The following TRHDE variants were observed in gnomAD, a reference collection of about 807,000 sequenced individuals.
The protein encoded by TRHDE is thyrotropin-releasing hormone-degrading ectoenzyme.
Under a neutral mutation model 125.7 loss-of-function variants are expected in TRHDE, and 72 were observed. That is an observed-to-expected ratio of 0.57 (90% CI 0.47 to 0.70). The LOEUF (loss-of-function observed/expected upper bound fraction) is 0.70, where lower values mean the gene tolerates loss of function less well. Among genes scored for constraint, TRHDE ranks in the 30% least tolerant of loss-of-function variants. The pLI, the probability that TRHDE is intolerant of heterozygous loss-of-function variation, is 0.00. For missense variants in TRHDE, 1,110 were observed against 1,327.1 expected (o/e 0.84, Z 2.54); for synonymous variants, 509 against 509.1 (o/e 1.00, Z 0.00).
chr12:72,369,223 G>A (rs1871466258), intron 2 of TRHDE, among the ~76,000 whole-genome samples: 1 of 152,104 alleles, frequency 6.6e-6, no homozygotes, highest in Non-Finnish European at 1.5e-5. Context: ...TTTATCCTAA[G>A]GGATCAAAAA....
intron 15 of TRHDE, among the ~76,000 whole-genome samples, chr12:72,643,045 C>CTTACCAATCTTGTTTCATTT (rs1467637847): frequency 6.6e-6 from 1 of 152,182 alleles, no homozygotes; most frequent in East Asian, 1.9e-4. Context: ...ATATCCGGTG[C>CTTACCAATCTTGTTTCATTT]TTACCAATCT....
intron 2 of TRHDE, among the ~76,000 whole-genome samples, chr12:72,323,048 TTATA>T (rs758130443): frequency 3.2e-4 from 48 of 152,110 alleles, no homozygotes; most frequent in Non-Finnish European, 5.7e-4. Context: ...AGTGCTAAAA[TTATA>T]TATATTTATA....
chr12:72,576,955 G>A (rs553458215), intron 12 of TRHDE, among the ~76,000 whole-genome samples: 1 of 152,192 alleles, frequency 6.6e-6, no homozygotes, highest in South Asian at 2.1e-4. Context: ...CCATCTTATT[G>A]GGCAAAAATT....
chr12:72,666,131 C>T lies in TRHDE; in HGVS notation c.*2936C>T, dbSNP rs1875105331. 6.6e-6 allele frequency: 1 copy of T among 152,040 alleles called. No homozygotes were observed. The highest frequency in any genetic ancestry group is 1.5e-5 in the Non-Finnish European group (1 of 67,994). The allele number at this position is 152,040 out of a possible 1,614,324, so 9.4% of individuals were successfully genotyped here. ...TGCCATGTATTGATAAAATGCATTGCTTTCTCAAAGAACTGTTACACATTT... is the reference window on the plus strand; with the variant it reads ...TGCCATGTATTGATAAAATGCATTGTTTTCTCAAAGAACTGTTACACATTT... On this transcript the variant is annotated 3_prime_UTR_variant, in exon 19 of 19. Coordinates refer to ENST00000261180, the MANE Select transcript of TRHDE (RefSeq NM_013381.3).
chr12:72,517,959 G>T (rs904371243), intron 6 of TRHDE, among the ~76,000 whole-genome samples: 7 of 151,872 alleles, frequency 4.6e-5, no homozygotes, highest in African/African-American at 1.7e-4. Context: ...GCGGTTTTGA[G>T]TGAGATTCTT....
At chr12:72,150,376 C>T (rs149484009) in intron 2 of TRHDE, among the ~76,000 whole-genome samples, 34 of 150,510 alleles carry the variant, frequency 2.3e-4, no homozygotes, top group South Asian at 1.7e-3. Flanking sequence ...CTTTCAAGAA[C>T]AAAAGTATGG....
At chr12:72,306,509 GCAA>G (rs1245886148) in intron 2 of TRHDE, among the ~76,000 whole-genome samples, 2 of 152,088 alleles carry the variant, frequency 1.3e-5, no homozygotes, top group Admixed American at 1.3e-4. Flanking sequence ...AAACAGCTCG[GCAA>G]CAGTATTAGA....
chr12:72,458,475 T>A (rs560735676), intron 3 of TRHDE, among the ~76,000 whole-genome samples: 1 of 152,248 alleles, frequency 6.6e-6, no homozygotes, highest in Admixed American at 6.5e-5. Flanking sequence ...TCAGTGCTCC[T>A]CAGACGTCTG....
At chr12:72,519,641 G>A (rs1480146672) in intron 6 of TRHDE, among the ~76,000 whole-genome samples, 1 of 152,214 alleles carries the variant, frequency 6.6e-6, no homozygotes, top group Non-Finnish European at 1.5e-5. Flanking sequence ...TCCTCTCTCA[G>A]CTCGTCAAAG....
intron 6 of TRHDE, among the ~76,000 whole-genome samples, chr12:72,537,168 C>G (rs1868905579): frequency 6.6e-6 from 1 of 151,938 alleles, no homozygotes; most frequent in South Asian, 2.1e-4. Flanking sequence ...GTAATATTTT[C>G]CTTTTGATAT....
intron 3 of TRHDE, among the ~76,000 whole-genome samples, chr12:72,467,683 C>A (rs553005470): frequency 3.3e-5 from 5 of 152,118 alleles, no homozygotes; most frequent in Admixed American, 1.3e-4. Flanking sequence ...GGCATGGTGG[C>A]GCGTGCCTGT....
intron 3 of TRHDE, among the ~76,000 whole-genome samples, chr12:72,411,010 G>C (rs1873477274): frequency 1.3e-5 from 2 of 152,090 alleles, no homozygotes; most frequent in South Asian, 2.1e-4. Context: ...GGCTAACACA[G>C]TGAAACCACG....
chr12:72,099,200 A>AT (rs1278276327), intron 1 of TRHDE, among the ~76,000 whole-genome samples: 2 of 152,178 alleles, frequency 1.3e-5, no homozygotes, highest in African/African-American at 4.8e-5. Context: ...AAACCATTAA[A>AT]TTTTTTTGCC....
intron 3 of TRHDE, among the ~76,000 whole-genome samples, chr12:72,381,643 G>A (rs1189167836): frequency 3.9e-5 from 6 of 152,002 alleles, no homozygotes; most frequent in Non-Finnish European, 5.9e-5. Context: ...TGATCCGCCC[G>A]CCTCGGCCTC....
intron 2 of TRHDE, among the ~76,000 whole-genome samples, chr12:72,298,653 A>G (rs1312194297): frequency 6.6e-6 from 1 of 152,130 alleles, no homozygotes; most frequent in East Asian, 1.9e-4. Context: ...AGGGGTTTGT[A>G]TGTCATGTTA....
At chr12:72,316,685 C>T (rs1452779890) in intron 2 of TRHDE, among the ~76,000 whole-genome samples, 1 of 152,192 alleles carries the variant, frequency 6.6e-6, no homozygotes, top group East Asian at 1.9e-4. Flanking sequence ...ACTGATATGG[C>T]TCTAAAATTT....
Position 72,473,195 on chromosome 12 carries a change from A to G in TRHDE, c.1584+15A>G. On this transcript the variant is annotated intron_variant, in intron 5 of 18. Transcript: ENST00000261180. Reference sequence around the variant, plus strand: ...GCTGGAACATGGTAAGTGCACTTGAATTATTTGAAACTTTTAGTAAAAGGC... The same window carrying G: ...GCTGGAACATGGTAAGTGCACTTGAGTTATTTGAAACTTTTAGTAAAAGGC... The G allele has an allele frequency of 6.2e-7, 1 of 1,600,698 alleles. No individual in the cohort carries two copies. Among genetic ancestry groups the G allele is most frequent in the Non-Finnish European group, 8.6e-7 (1 of 1,168,258 alleles).
At chr12:72,520,862 G>A (rs958375628) in intron 6 of TRHDE, among the ~76,000 whole-genome samples, 1 of 152,152 alleles carries the variant, frequency 6.6e-6, no homozygotes, top group African/African-American at 2.4e-5. Flanking sequence ...GCTTGAATGA[G>A]ATAAAACTGG....
At chr12:72,534,085 G>C (rs1466650044) in intron 6 of TRHDE, among the ~76,000 whole-genome samples, 4 of 152,010 alleles carry the variant, frequency 2.6e-5, no homozygotes, top group African/African-American at 9.7e-5. Context: ...GGAAGGAGTT[G>C]GTGGATACTT....
Sources: allele counts gnomAD v4.1 joint callset (sites outside exome capture counted in the v4.1 genomes callset), GRCh38; gene constraint gnomAD v4.1.1; transcripts MANE v1.5; gene names NCBI Gene and HGNC (gene_info 2026-07-23, HGNC 2026-07-21).